The following DHX8 variants were observed in gnomAD, a reference collection of about 807,000 sequenced individuals.
The protein encoded by DHX8 is ATP-dependent RNA helicase DHX8.
Under a neutral mutation model 140.7 loss-of-function variants are expected in DHX8, and 67 were observed. The observed-to-expected ratio is 0.48, with a 90% CI of 0.39 to 0.58. DHX8 has a LOEUF of 0.58. Ranked by LOEUF, DHX8 falls within the 20% of genes least tolerant of loss-of-function variation. The pLI, the probability that DHX8 is intolerant of heterozygous loss-of-function variation, is 0.00. For synonymous variants in DHX8, 533 were observed against 553.2 expected (o/e 0.96, Z 0.51); for missense variants, 887 against 1,550.7 (o/e 0.57, Z 7.19).
chr17:43,532,526 A>G (rs915937064), intron 2 of DHX8: 2 of 761,734 alleles, frequency 2.6e-6, no homozygotes, highest in East Asian at 2.7e-5. Flanking sequence ...AAGAAAAATA[A>G]CATTCTTTTG....
downstream of DHX8, chr17:43,530,495 G>GGGA: frequency 8.1e-7 from 1 of 1,233,396 alleles, no homozygotes; most frequent in Non-Finnish European, 1.0e-6. Flanking sequence ...AGGGGGAGGA[G>GGGA]GGAGGGTGAG....
At chr17:43,490,897 A>G (rs1968481112) in intron 3 of DHX8, among the ~76,000 whole-genome samples, 1 of 152,088 alleles carries the variant, frequency 6.6e-6, no homozygotes. Context: ...AAAATTTCAA[A>G]CGACTTAAGA....
intron 12 of DHX8, among the ~76,000 whole-genome samples, chr17:43,506,546 A>T (rs1598152543): frequency 6.6e-6 from 1 of 151,508 alleles, no homozygotes; most frequent in East Asian, 2.0e-4. Context: ...TTGAATCCGG[A>T]AGGTGGAGGT....
chr17:43,523,946 C>T lies in DHX8; in HGVS notation c.*99C>T, dbSNP rs1970511155. ...GAGGATACAGCTGTCCCGTGACTGA[C>T]TGTCTTAACTGAGCATTTTCTCAAC... On this transcript the variant is annotated 3_prime_UTR_variant, in exon 23 of 23. Transcript: ENST00000262415. 8 of 1,511,468 alleles carry T rather than the reference C, an allele frequency of 5.3e-6. 1 individual carries two copies. In the East Asian group the frequency reaches 1.9e-4, roughly 35 times the overall value. The allele number at this position is 1,511,468 out of a possible 1,614,324, so 93.6% of individuals were successfully genotyped here.
chr17:43,533,324 G>A (rs747958996), intron 2 of DHX8: 33 of 1,613,610 alleles, frequency 2.0e-5, no homozygotes, highest in Non-Finnish European at 2.3e-5. Context: ...ACTTGATGGC[G>A]ATTTGTCTGG....
At chr17:43,526,068 G>C (rs1970604891), downstream of DHX8, 9 of 985,250 alleles carry the variant, frequency 9.1e-6, no homozygotes, top group South Asian at 3.3e-4. Context: ...ACATAGCTGG[G>C]TTCTGACCTT....
At chr17:43,511,455 C>CCTTTTTTTTTTT (rs1279628229) in intron 16 of DHX8, among the ~76,000 whole-genome samples, 2 of 6,594 alleles carry the variant, frequency 3.0e-4, no homozygotes, top group South Asian at 7.4e-3. Context: ...GTGATCCCAG[C>CCTTTTTTTTTTT]ATTTTTTTTT....
intron 16 of DHX8, among the ~76,000 whole-genome samples, chr17:43,511,456 A>ATTTTCTTTTTTTTTTTTTTTTT (rs1969822523): frequency 1.8e-5 from 1 of 56,790 alleles, no homozygotes; most frequent in Non-Finnish European, 2.9e-5. Context: ...TGATCCCAGC[A>ATTTTCTTTTTTTTTTTTTTTTT]TTTTTTTTTT....
chr17:43,517,879 C>T (rs1970191564), intron 18 of DHX8: 2 of 152,606 alleles, frequency 1.3e-5, no homozygotes. Context: ...TCCCCCGACA[C>T]TGATGCTACC....
Position 43,521,438 on chromosome 17 carries a change from C to A in DHX8, c.3136C>A (p.Leu1046Ile). 2 of 1,614,026 alleles carry A rather than the reference C, an allele frequency of 1.2e-6. No individual in the cohort carries two copies. Among genetic ancestry groups the A allele is most frequent in the South Asian group, 1.1e-5 (1 of 91,084 alleles). The change falls in exon 21 of 23, where the codon CTA (leucine) becomes ATA (isoleucine). Residue 1046 changes from leucine to isoleucine, a missense_variant. This residue lies in a region of DHX8 where 151 missense variants were observed against 388.3 expected (regional missense o/e 0.39). Coordinates refer to ENST00000262415, the MANE Select transcript of DHX8 (RefSeq NM_004941.3). ...GACTGAAGGGGACCACCTCACCCTG[C>A]TAGCTGTGTACAACTCCTGGAAGAA... is the stretch of plus-strand genomic sequence containing the variant. ...HQTEGDHLTL[L>I]AVYNSWKNNK...
downstream of DHX8, chr17:43,530,396 G>A (rs1970850442): frequency 1.4e-6 from 2 of 1,431,426 alleles, no homozygotes; most frequent in South Asian, 1.5e-5. Flanking sequence ...TGAGGGCTGC[G>A]GCTGAGGCCA....
At chr17:43,533,094 T>TC in intron 2 of DHX8, 1 of 1,535,960 alleles carries the variant, frequency 6.5e-7, no homozygotes, top group South Asian at 1.2e-5. Flanking sequence ...GCCCCCTGCC[T>TC]CTACCACCCC....
chr17:43,507,213 A>T lies in DHX8; in HGVS notation c.1923+16A>T. The T allele has an allele frequency of 6.3e-7, 1 of 1,581,120 alleles. No individual in the cohort carries two copies. The highest frequency in any genetic ancestry group is 1.1e-5 in the South Asian group (1 of 87,592). On this transcript the variant is annotated intron_variant, in intron 13 of 22. Coordinates refer to ENST00000262415, the MANE Select transcript of DHX8 (RefSeq NM_004941.3). ...AGGCCAAGAGGTAAGTAGATAGTGG[A>T]GTCGCTCGAAAAATACCAGAAGCAA...
rs1437167566 is a variant in DHX8, at chr17:43,522,238, T to C, written c.3443+12T>C. 1 of 1,609,996 alleles carries C rather than the reference T, an allele frequency of 6.2e-7. No homozygotes were observed. Among genetic ancestry groups the C allele is most frequent in the Non-Finnish European group, 8.5e-7 (1 of 1,177,198 alleles). On this transcript the variant is annotated intron_variant, in intron 22 of 22. Transcript: ENST00000262415. Reference sequence around the variant, plus strand: ...AGACAGCCAGAATGGTAGGTGGACATGTCCCAGGGTCTAGGGGCTTTTCTG... The same window carrying C: ...AGACAGCCAGAATGGTAGGTGGACACGTCCCAGGGTCTAGGGGCTTTTCTG...
At chr17:43,510,685 A>C (rs982518334) in intron 16 of DHX8, among the ~76,000 whole-genome samples, 2 of 152,226 alleles carry the variant, frequency 1.3e-5, no homozygotes, top group African/African-American at 4.8e-5. Flanking sequence ...AGGGCTAACC[A>C]TATTCACAGA....
intron 12 of DHX8, among the ~76,000 whole-genome samples, chr17:43,505,551 CAAGT>C (rs1423005716): frequency 6.6e-6 from 1 of 151,970 alleles, no homozygotes; most frequent in African/African-American, 2.4e-5. Context: ...CCTGGGCGAC[CAAGT>C]GAGACCCCAT....
In DHX8 at chr17:43,540,655, C is replaced by A. The variant is rs148705080; in HGVS notation, c.*21-3507C>A. Among the ~76,000 whole-genome samples, 43 of 152,264 alleles carry A rather than the reference C, an allele frequency of 2.8e-4. No homozygotes were observed. The East Asian group carries it at 8.1e-3, about 29-fold the overall frequency. ...CTCCTGGGCTCAGGTAATCCTTTCACTTCAGCCACCACAACCTTAAAAATA... is the reference window on the plus strand; with the variant it reads ...CTCCTGGGCTCAGGTAATCCTTTCAATTCAGCCACCACAACCTTAAAAATA... On this transcript the variant is annotated intron_variant, in intron 3 of 3. Transcript: ENST00000589898.
At chr17:43,495,186 A>C (rs898023113) in intron 8 of DHX8, among the ~76,000 whole-genome samples, 3 of 152,196 alleles carry the variant, frequency 2.0e-5, no homozygotes, top group African/African-American at 4.8e-5. Context: ...TAGGGCTATA[A>C]ACGCGAATAT....
At chr17:43,495,063 C>T (rs1246918391) in intron 8 of DHX8, among the ~76,000 whole-genome samples, 1 of 152,066 alleles carries the variant, frequency 6.6e-6, no homozygotes, top group Non-Finnish European at 1.5e-5. Flanking sequence ...ATTCTCCCAC[C>T]TCGGCCTCCC....
Sources: gnomAD v4.1 joint callset for allele counts (sites outside exome capture counted in the v4.1 genomes callset) on GRCh38, gnomAD v4.1.1 for gene constraint, gnomAD v4.1.1 regional missense constraint, MANE v1.5 for transcripts, NCBI Gene and HGNC (gene_info 2026-07-23, HGNC 2026-07-21) for gene names.